CACNA1A: variants seen among roughly 807,000 people sequenced by gnomAD.
CACNA1A encodes calcium voltage-gated channel subunit alpha1 A.
In CACNA1A, 57 loss-of-function variants were observed where a neutral mutation model predicts 262.4. The observed-to-expected ratio is 0.22, with a 90% confidence interval of 0.18 to 0.27. The LOEUF is 0.27. Ranked by LOEUF, CACNA1A falls within the 10% of genes least tolerant of loss-of-function variation. CACNA1A has a pLI of 1.00. For missense variants in CACNA1A, 2,526 were observed against 3,562.8 expected, an observed-to-expected ratio of 0.71 and a Z score of 7.41; for synonymous variants, 1,431 against 1,419.3, an observed-to-expected ratio of 1.01 and a Z score of -0.18.
intron 1 of CACNA1A, among the ~76,000 whole-genome samples, chr19:13,464,548 T>TC (rs1252977342): frequency 7.8e-6 from 1 of 127,620 alleles, no homozygotes; most frequent in Non-Finnish European, 1.8e-5. Flanking sequence ...TTCCAATTTT[T>TC]TTTTTTTTTT....
At chr19:13,437,055 A>G (rs1026797174) in intron 3 of CACNA1A, among the ~76,000 whole-genome samples, 15 of 152,228 alleles carry the variant, frequency 9.9e-5, no homozygotes, top group Non-Finnish European at 2.1e-4. Flanking sequence ...GCAGATACAG[A>G]GGAGGGAGCA....
intron 1 of CACNA1A, among the ~76,000 whole-genome samples, chr19:13,489,439 C>A (rs1464042288): frequency 1.3e-5 from 2 of 152,078 alleles, no homozygotes; most frequent in Admixed American, 6.5e-5. Context: ...CAGGCATGTG[C>A]CAACACCCTC....
chr19:13,210,775 G>C (rs996064873), intron 43 of CACNA1A, 123 bp from the exon 44 acceptor site: 6 of 979,360 alleles, frequency 6.1e-6, no homozygotes, highest in Non-Finnish European at 9.5e-6. Flanking sequence ...GAGTGGCACT[G>C]GCATCAAGAG....
At position 13,207,669 on chromosome 19, in the gene CACNA1A, G is replaced by A. The variant is rs987861675; in HGVS notation, c.7165C>T (p.Arg2389Trp). The change falls in exon 47 of 47, where the codon CGG becomes TGG. Residue 2389 changes from arginine (R) to tryptophan (W), a missense_variant. Coordinates refer to ENST00000360228, the MANE Select transcript of CACNA1A (RefSeq NM_001127222.2). The surrounding 1 kb of genome is among the most constrained non-coding windows in gnomAD (Gnocchi z 5.7). ...SPRACRHGGARWPASGPHVSE... is the reference protein window; with the variant it reads ...SPRACRHGGAWWPASGPHVSE... ...ACGTGCGGGCCAGATGCCGGCCACC[G>A]GGCCCCGCCGTGTCGACAGGCCCTG... 4 of 1,431,536 alleles carry A rather than the reference G, an allele frequency of 2.8e-6. No homozygotes were observed. The highest frequency in any genetic ancestry group is 1.4e-5 in the South Asian group (1 of 72,852). The allele number at this position is 1,431,536 out of a possible 1,614,324, so 88.7% of individuals were successfully genotyped here. A position where few individuals can be genotyped will look rare whatever the true frequency, so the allele number is the denominator to read the frequency against.
intron 3 of CACNA1A, among the ~76,000 whole-genome samples, chr19:13,404,810 G>A (rs1321584491): frequency 2.0e-5 from 3 of 152,280 alleles, no homozygotes; most frequent in East Asian, 3.9e-4. Flanking sequence ...GTGTGGAAGA[G>A]TGTTATTCCA....
At chr19:13,432,686 T>A (rs765472313) in intron 3 of CACNA1A, among the ~76,000 whole-genome samples, 75 of 152,218 alleles carry the variant, frequency 4.9e-4, no homozygotes, top group Non-Finnish European at 9.7e-4. Context: ...ATATACAACA[T>A]AAGGTATTGT....
chr19:13,428,134 G>T (rs551662666), intron 3 of CACNA1A, among the ~76,000 whole-genome samples: 8 of 152,184 alleles, frequency 5.3e-5, no homozygotes, highest in Non-Finnish European at 1.2e-4. Flanking sequence ...CACCCTGTTG[G>T]TCAGGCTATT....
rs548176076 is a variant in CACNA1A at position 13,368,805 on chromosome 19, G to A, written c.631+2883C>T. 1.2e-4 allele frequency among the ~76,000 whole-genome samples: 16 copies of A among 129,460 alleles called. 1 individual carries two copies. Among genetic ancestry groups the A allele is most frequent in the African/African-American group, 6.5e-4 (15 of 22,904 alleles). The allele number at this position is 129,460 out of a possible 152,430, so 84.9% of individuals were successfully genotyped here. The stretch of plus-strand genomic sequence containing the variant: ...TGTAATCCCAGCACTTTGGGAGGCC[G>A]AGGCGGGCGGATCACGAGGTCAGGA... On this transcript the variant is annotated intron_variant, in intron 4 of 46. Coordinates refer to ENST00000360228, the MANE Select transcript of CACNA1A (RefSeq NM_001127222.2).
rs372342283 is a variant in CACNA1A at position 13,303,582 on chromosome 19, A to G, written c.2136T>C (p.Ala712=). 7 of 1,611,038 alleles carry G rather than the reference A, an allele frequency of 4.3e-6. No homozygotes were observed. Among genetic ancestry groups the G allele is most frequent in the Non-Finnish European group, 5.9e-6 (7 of 1,178,696 alleles). ...CCTGGGCGTTGGCCAGATTGTCCAC[A>G]GCGATGGCCAAGAACACATTCAGGA... ...YTLLNVFLAI[A]VDNLANAQEL... Residue 712 remains alanine (A), a synonymous_variant, in exon 17 of 47, where the codon GCT becomes GCC. Transcript: ENST00000360228.
intron 3 of CACNA1A, among the ~76,000 whole-genome samples, chr19:13,427,453 A>AAAATAAATAAAT (rs58681300): frequency 0.09 from 12,298 of 136,044 alleles, 764 homozygotes; most frequent in African/African-American, 0.17. Context: ...ACTCCATCTC[A>AAAATAAATAAAT]AAATAAATAA....
chr19:13,287,106 C>A (rs2057419868), intron 19 of CACNA1A, 140 bp from the exon 20 acceptor site: 1 of 693,644 alleles, frequency 1.4e-6, no homozygotes, highest in Non-Finnish European at 2.4e-6. Flanking sequence ...AATCCCAGCA[C>A]TTTGGGAAGC....
chr19:13,359,528 C>T (rs1054685484), intron 6 of CACNA1A, 78 bp downstream of exon 6: 59 of 1,162,720 alleles, frequency 5.1e-5, no homozygotes, highest in Non-Finnish European at 6.8e-5. Flanking sequence ...CCATTGCAGC[C>T]TTGGAGTCTC....
intron 31 of CACNA1A, among the ~76,000 whole-genome samples, chr19:13,237,879 G>A (rs934889024): frequency 6.6e-6 from 1 of 152,166 alleles, no homozygotes; most frequent in African/African-American, 2.4e-5. Context: ...TCCCTTTCAT[G>A]GGGCGGATCA....
At chr19:13,327,036 G>A (rs2058375881) in intron 10 of CACNA1A, among the ~76,000 whole-genome samples, 1 of 151,842 alleles carries the variant, frequency 6.6e-6, no homozygotes, top group Admixed American at 6.6e-5. Flanking sequence ...CTACTGGCGT[G>A]TGCCACAATG....
intron 27 of CACNA1A, 98 bp from the exon 28 acceptor site, chr19:13,257,649 G>T: frequency 1.6e-6 from 1 of 627,142 alleles, no homozygotes; most frequent in Non-Finnish European, 2.7e-6. Context: ...GAAGTGAGAT[G>T]GCAGAACAGG....
intron 3 of CACNA1A, among the ~76,000 whole-genome samples, chr19:13,388,839 G>A (rs1037957321): frequency 1.3e-5 from 2 of 152,190 alleles, no homozygotes; most frequent in Non-Finnish European, 2.9e-5. Context: ...ACTGACATAA[G>A]CAGGATGAAG....
At chr19:13,347,036 G>T (rs2058800635) in intron 6 of CACNA1A, among the ~76,000 whole-genome samples, 1 of 144,058 alleles carries the variant, frequency 6.9e-6, no homozygotes, top group African/African-American at 2.6e-5. Context: ...CATATGATTT[G>T]TTCCTTCAGG....
At chr19:13,387,171 A>C (rs1350917990) in intron 3 of CACNA1A, among the ~76,000 whole-genome samples, 3 of 152,044 alleles carry the variant, frequency 2.0e-5, no homozygotes, top group Non-Finnish European at 4.4e-5. Context: ...GCCTGTTCTC[A>C]AACTCCTGAC....
At chr19:13,496,993 T>C (rs1400032870) in intron 1 of CACNA1A, among the ~76,000 whole-genome samples, 3 of 152,110 alleles carry the variant, frequency 2.0e-5, no homozygotes, top group African/African-American at 7.2e-5. Context: ...TTGCCCAAGA[T>C]CACGCAGCCA....
Sources: allele counts gnomAD v4.1 joint callset (sites outside exome capture counted in the v4.1 genomes callset), GRCh38; gene constraint gnomAD v4.1.1; non-coding constraint Gnocchi (gnomAD v3.1); transcripts MANE v1.5; gene names NCBI Gene and HGNC (gene_info 2026-07-23, HGNC 2026-07-21).